Variants in CCDC171 observed in about 807,000 individuals in gnomAD.
CCDC171 encodes coiled-coil domain containing 171, also known as coiled-coil domain-containing protein 171.
Under a neutral mutation model 168.2 loss-of-function variants are expected in CCDC171, and 177 were observed. The observed-to-expected ratio is 1.05, with a 90% CI of 0.93 to 1.19. CCDC171 has a LOEUF of 1.19. CCDC171 is among the 50% of genes most tolerant of loss of function. The probability of loss-of-function intolerance (pLI) is 0.00; values close to 1 mark genes in which losing one functional copy is unlikely to be tolerated. For synonymous variants in CCDC171, 687 were observed against 540.8 expected, an observed-to-expected ratio of 1.27 and a Z score of -3.75; for missense variants, 1,991 against 1,539.0, an observed-to-expected ratio of 1.29 and a Z score of -4.91.
At chr9:15,634,070 A>G (rs374755564) in intron 7 of CCDC171, among the ~76,000 whole-genome samples, 2 of 152,156 alleles carry the variant, frequency 1.3e-5, no homozygotes, top group East Asian at 3.8e-4. Flanking sequence ...GATACACCTA[A>G]TGCTAAATGA....
chr9:15,607,269 C>T (rs2043298642), intron 6 of CCDC171, among the ~76,000 whole-genome samples: 1 of 152,074 alleles, frequency 6.6e-6, no homozygotes, highest in Non-Finnish European at 1.5e-5. Flanking sequence ...ATTGTTATAT[C>T]ATTGAAGACA....
intron 3 of CCDC171, among the ~76,000 whole-genome samples, chr9:16,018,013 A>G (rs12001854): frequency 0.017 from 2,639 of 152,334 alleles, 72 homozygotes; most frequent in African/African-American, 0.059. Flanking sequence ...TCATTTCTGC[A>G]TTCCAAATTA....
intron 21 of CCDC171, among the ~76,000 whole-genome samples, chr9:15,820,510 C>T (rs2059726644): frequency 8.6e-6 from 1 of 116,948 alleles, no homozygotes; most frequent in Non-Finnish European, 1.9e-5. Flanking sequence ...GGGGATATCA[C>T]CACCGATCCC....
intron 7 of CCDC171, among the ~76,000 whole-genome samples, chr9:15,649,998 C>G (rs2047377999): frequency 6.6e-6 from 1 of 152,034 alleles, no homozygotes; most frequent in South Asian, 2.1e-4. Context: ...TGGAACCAAC[C>G]CAAATGTCCA....
At chr9:15,608,386 G>A (rs954311246) in intron 6 of CCDC171, among the ~76,000 whole-genome samples, 11 of 152,286 alleles carry the variant, frequency 7.2e-5, no homozygotes, top group South Asian at 2.1e-4. Context: ...TATTTAGTGC[G>A]TATAAAATAT....
chr9:16,107,204 C>T, the CCDC171 span, among the ~76,000 whole-genome samples: 31 of 152,176 alleles, frequency 2.0e-4, no homozygotes, highest in Admixed American at 7.2e-4. Flanking sequence ...GGCTGGAGTG[C>T]GGTGGTATGA....
intron 11 of CCDC171, among the ~76,000 whole-genome samples, chr9:15,709,996 A>T (rs2052538097): frequency 6.6e-6 from 1 of 152,238 alleles, no homozygotes; most frequent in East Asian, 1.9e-4. Flanking sequence ...AGCATATCCC[A>T]GCTATTTCTG....
chr9:15,873,761 A>G (rs765467627), intron 23 of CCDC171, among the ~76,000 whole-genome samples: 4 of 152,110 alleles, frequency 2.6e-5, no homozygotes, highest in Admixed American at 6.6e-5. Context: ...TCATTTGTCC[A>G]GAAGGTGGCA....
chr9:16,019,449 A>G (rs1253310023), intron 3 of CCDC171, among the ~76,000 whole-genome samples: 1 of 152,198 alleles, frequency 6.6e-6, no homozygotes, highest in African/African-American at 2.4e-5. Flanking sequence ...GGAAGATAGA[A>G]GGCTACCAGA....
intron 16 of CCDC171, among the ~76,000 whole-genome samples, chr9:15,737,521 C>G (rs13290127): frequency 6.6e-6 from 1 of 152,132 alleles, no homozygotes; most frequent in African/African-American, 2.4e-5. Context: ...TAATTTTCCA[C>G]AGTCAGAGGT....
At chr9:15,629,137 A>G (rs987101865) in intron 7 of CCDC171, among the ~76,000 whole-genome samples, 5 of 152,154 alleles carry the variant, frequency 3.3e-5, no homozygotes, top group African/African-American at 1.2e-4. Flanking sequence ...TCCTCCTCCA[A>G]AGGAATGCAG....
At chr9:15,890,181 G>A (rs1301441257) in intron 24 of CCDC171, among the ~76,000 whole-genome samples, 2 of 149,364 alleles carry the variant, frequency 1.3e-5, no homozygotes, top group South Asian at 2.1e-4. Flanking sequence ...TTTTTTGAGG[G>A]GAAAGAGAGA....
intron 21 of CCDC171, among the ~76,000 whole-genome samples, chr9:15,843,910 T>G (rs985152979): frequency 1.3e-5 from 2 of 152,126 alleles, no homozygotes; most frequent in African/African-American, 4.8e-5. Context: ...CACTAAATGT[T>G]TATTGATTAT....
Position 15,905,007 on chromosome 9 carries a change from C to G in CCDC171, c.3601-15263C>G, listed in dbSNP as rs1179999705. 3.3e-5 allele frequency among the ~76,000 whole-genome samples: 5 copies of G among 152,136 alleles called. No individual in the cohort carries two copies. The East Asian group carries it at 5.8e-4, about 18-fold the overall frequency. On this transcript the variant is annotated intron_variant, in intron 24 of 25. Coordinates refer to ENST00000380701, the MANE Select transcript of CCDC171 (RefSeq NM_173550.4). The stretch of plus-strand genomic sequence containing the variant: ...TATATATGCACCCAATACAGGAGCA[C>G]TCAGATTCATAAAGCAAGTCCTTAG...
At chr9:15,773,917 T>C (rs2057152397) in intron 18 of CCDC171, among the ~76,000 whole-genome samples, 1 of 151,988 alleles carries the variant, frequency 6.6e-6, no homozygotes, top group Admixed American at 6.5e-5. Flanking sequence ...ATATCCAGAA[T>C]CTACAAAGAA....
At chr9:16,039,829 A>C (rs1833544008), upstream of CCDC171, among the ~76,000 whole-genome samples, 1 of 152,096 alleles carries the variant, frequency 6.6e-6, no homozygotes, top group South Asian at 2.1e-4. Flanking sequence ...CCAGCCAGGC[A>C]GCCATCTTCC....
intron 21 of CCDC171, among the ~76,000 whole-genome samples, chr9:15,821,422 G>T (rs1462335516): frequency 8.5e-6 from 1 of 117,390 alleles, no homozygotes; most frequent in Middle Eastern, 4.1e-3. Context: ...TCACATGATT[G>T]TATATCTAGA....
At chr9:15,690,856 A>C (rs575007510) in intron 10 of CCDC171, among the ~76,000 whole-genome samples, 1 of 152,282 alleles carries the variant, frequency 6.6e-6, no homozygotes, top group Admixed American at 6.5e-5. Flanking sequence ...GGCAATGCAC[A>C]GAAAAAAATA....
At chr9:16,012,624 G>A (rs1252654553) in intron 3 of CCDC171, among the ~76,000 whole-genome samples, 1 of 150,072 alleles carries the variant, frequency 6.7e-6, no homozygotes, top group African/African-American at 2.5e-5. Flanking sequence ...TTTTATAATG[G>A]CAGCATGCTC....
Sources: gnomAD v4.1 joint callset for allele counts (sites outside exome capture counted in the v4.1 genomes callset) on GRCh38, gnomAD v4.1.1 for gene constraint, MANE v1.5 for transcripts, NCBI Gene and HGNC (gene_info 2026-07-23, HGNC 2026-07-21) for gene names.